The following PHETA2 variants were observed in gnomAD, a reference collection of about 807,000 sequenced individuals.
PHETA2 encodes PH domain containing endocytic trafficking adaptor 2.
For synonymous variants in PHETA2, 133 were observed against 142.9 expected (o/e 0.93, Z 0.50); for missense variants, 321 against 341.3 (o/e 0.94, Z 0.47).
rs1231523150 is a variant in PHETA2 at position 42,077,913 on chromosome 22, G to A, written c.620G>A (p.Ser207Asn). The change falls in exon 3 of 3, where the codon AGC (serine) becomes AAC (asparagine). Residue 207 changes from serine (S) to asparagine (N), a missense_variant. Ser to Asn is a conservative substitution (Grantham distance 46). Coordinates refer to ENST00000321753, the MANE Select transcript of PHETA2 (RefSeq NM_001002034.3). Reference sequence around the variant, plus strand: ...GAGTGGGAGCTGCAGGGCCCTGCCAGCCTCCTCCTAGGCAAGGGGCAGAGC... The same window carrying A: ...GAGTGGGAGCTGCAGGGCCCTGCCAACCTCCTCCTAGGCAAGGGGCAGAGC... ...LAEWELQGPA[S>N]LLLGKGQSPV... is the part of the protein sequence containing the mutation. The A allele has an allele frequency of 6.2e-7, 1 of 1,613,218 alleles. No homozygotes were observed. Among genetic ancestry groups the A allele is most frequent in the Non-Finnish European group, 8.5e-7 (1 of 1,179,714 alleles).
chr22:42,077,707 A>G lies in PHETA2; in HGVS notation c.414A>G (p.Ala138=). The G allele has an allele frequency of 6.2e-7, 1 of 1,614,124 alleles. No homozygotes were observed. The highest frequency in any genetic ancestry group is 8.5e-7 in the Non-Finnish European group (1 of 1,180,042). Residue 138 remains alanine, a synonymous_variant, in exon 3 of 3, where the codon GCA becomes GCG. Coordinates refer to ENST00000321753, the MANE Select transcript of PHETA2 (RefSeq NM_001002034.3). Reference sequence around the variant, plus strand: ...AGTTGGAGAGCCAGTTGCAGGACGCACGCCAGAGCCTGGCTTTGCAACGCC... The same window carrying G: ...AGTTGGAGAGCCAGTTGCAGGACGCGCGCCAGAGCCTGGCTTTGCAACGCC... ...VRELESQLQD[A]RQSLALQRRS...
At position 42,078,198 on chromosome 22, in the gene PHETA2, T is replaced by A; in HGVS notation, c.*125T>A. On this transcript the variant is annotated 3_prime_UTR_variant, in exon 3 of 3. Coordinates refer to ENST00000321753, the MANE Select transcript of PHETA2 (RefSeq NM_001002034.3). ...TCTCCTTCCTGCTATTTAGGCATTC[T>A]CCAGGTTCGAGATCCACCCGTGTGT... is the stretch of plus-strand genomic sequence containing the variant. The A allele has an allele frequency of 8.6e-7, 1 of 1,157,572 alleles. No individual in the cohort carries two copies. Among genetic ancestry groups the A allele is most frequent in the East Asian group, 2.7e-5 (1 of 36,728 alleles). The allele number at this position is 1,157,572 out of a possible 1,614,324, so 71.7% of individuals were successfully genotyped here.
chr22:42,076,025 C>T (rs1927267394), intron 2 of PHETA2: 4 of 174,716 alleles, frequency 2.3e-5, no homozygotes, highest in Middle Eastern at 6.5e-3. Context: ...AAAGAATTAT[C>T]TCTTTTTCTT....
Position 42,077,573 on chromosome 22 carries a change from C to G in PHETA2, c.280C>G (p.Pro94Ala), listed in dbSNP as rs1477300031. Residue 94 changes from proline to alanine, a missense_variant, in exon 3 of 3, where the codon CCT (proline) becomes GCT (alanine). Transcript: ENST00000321753. ...EFAFAICFDA[P>A]GVRPHLLAAE... is the part of the protein sequence containing the mutation. ...TGCCTTTGCCATCTGCTTTGATGCC[C>G]CTGGAGTGCGCCCACACCTGCTGGC... is the stretch of plus-strand genomic sequence containing the variant. 1 of 1,614,050 alleles carries G rather than the reference C, an allele frequency of 6.2e-7. No individual in the cohort carries two copies. The highest frequency in any genetic ancestry group is 2.2e-5 in the East Asian group (1 of 44,894).
At chr22:42,076,651 C>T (rs1422025669) in intron 2 of PHETA2, among the ~76,000 whole-genome samples, 1 of 152,138 alleles carries the variant, frequency 6.6e-6, no homozygotes, top group South Asian at 2.1e-4. Flanking sequence ...GTCATCCTTG[C>T]CCCCTTCTGC....
In PHETA2 at chr22:42,077,414, C is replaced by T. The variant is rs1391668888; in HGVS notation, c.121C>T (p.Arg41Ter). The change falls in exon 3 of 3, where the codon CGA (arginine) becomes TGA (stop). Residue 41 changes from arginine to a stop codon, truncating the protein, a stop_gained. Coordinates refer to ENST00000321753, the MANE Select transcript of PHETA2 (RefSeq NM_001002034.3). LOFTEE classifies it low-confidence loss of function (END_TRUNC). Reference protein sequence around the residue: ...GTPPTPSGTGRRCWFVLKGNL... With the variant: ...GTPPTPSGTG ...CCCACCGACCCCCAGTGGCACTGGC[C>T]GAAGATGCTGGTTTGTCCTCAAGGG... The T allele has an allele frequency of 7.4e-6, 12 of 1,612,358 alleles. No individual in the cohort carries two copies. Among genetic ancestry groups the T allele is most frequent in the Middle Eastern group, 1.6e-4 (1 of 6,070 alleles).
rs1602503667 is a variant in PHETA2, at chr22:42,075,677, T to C, written c.-15+25T>C. 6.6e-6 allele frequency: 1 copy of C among 152,286 alleles called. No homozygotes were observed. Among genetic ancestry groups the C allele is most frequent in the Non-Finnish European group, 1.5e-5 (1 of 68,114 alleles). The allele number at this position is 152,286 out of a possible 1,614,324, so 9.4% of individuals were successfully genotyped here. A position where few individuals can be genotyped will look rare whatever the true frequency, so the allele number is the denominator to read the frequency against. The stretch of plus-strand genomic sequence containing the variant: ...GGTAAGTGGGTACAGTGTGAGGGAT[T>C]TGGGAGACGAAGCTCTGCGTCTCAT... On this transcript the variant is annotated intron_variant, in intron 2 of 2. Transcript: ENST00000321753. This position sits in a 1 kb window ranked among gnomAD's most constrained non-coding sequence, Gnocchi z 4.8.
In PHETA2 at chr22:42,078,623, G is replaced by A. The variant is rs1343738501; in HGVS notation, c.*550G>A. ...GGATGGGATCCTCACTCAGCAGTCT[G>A]GGTAGGGCCCTTTGAGGCAGAGGGT... On this transcript the variant is annotated 3_prime_UTR_variant, in exon 3 of 3. Coordinates refer to ENST00000321753, the MANE Select transcript of PHETA2 (RefSeq NM_001002034.3). 3 of 167,832 alleles carry A rather than the reference G, an allele frequency of 1.8e-5. No individual in the cohort carries two copies. Among genetic ancestry groups the A allele is most frequent in the South Asian group, 2.1e-4 (1 of 4,878 alleles). 10.4% of individuals were successfully genotyped at this position (167,832 alleles called of 1,614,324 possible). A position where few individuals can be genotyped will look rare whatever the true frequency, so the allele number is the denominator to read the frequency against.
rs1927307939 is a variant in PHETA2 at position 42,077,061 on chromosome 22, G to C, written c.-14-219G>C. 5.3e-5 allele frequency among the ~76,000 whole-genome samples: 8 copies of C among 152,250 alleles called. No individual in the cohort carries two copies. In the South Asian group the frequency reaches 1.7e-3, roughly 32 times the overall value. On this transcript the variant is annotated intron_variant, in intron 2 of 2. Transcript: ENST00000321753. ...TATTCTTTTCTCGAAGTCCGCCAGT[G>C]TCCAGTTTTTTTTGCATGATCCTCA...
Position 42,077,861 on chromosome 22 carries a change from A to T in PHETA2, c.568A>T (p.Ser190Cys). 1 of 1,613,602 alleles carries T rather than the reference A, an allele frequency of 6.2e-7. No individual in the cohort carries two copies. The highest frequency in any genetic ancestry group is 1.1e-5 in the South Asian group (1 of 91,036). ...TGTGGGCTTGGTTGAAGAAGCGGGC[A>T]GCAGGTCTGCAGGGTGGGGGTTGGC... is the stretch of plus-strand genomic sequence containing the variant. ...SPVGLVEEAG[S>C]RSAGWGLAEW... Residue 190 changes from serine to cysteine, a missense_variant, in exon 3 of 3, where the codon AGC becomes TGC. Physicochemically the swap from Ser to Cys is moderately radical, Grantham distance 112. Coordinates refer to ENST00000321753, the MANE Select transcript of PHETA2 (RefSeq NM_001002034.3).
chr22:42,076,097 A>G, intron 2 of PHETA2: 1 of 218,428 alleles, frequency 4.6e-6, no homozygotes, highest in Non-Finnish European at 9.7e-6. Context: ...ACAAGGTTCG[A>G]GGGTGGCACA....
chr22:42,078,132 A>C lies in PHETA2; in HGVS notation c.*59A>C. ...GTTCTTTTTCAGGAGTTAAATGTTTACCCATTTCCAAGGTTGCGTTTTGGG... is the reference window on the plus strand; with the variant it reads ...GTTCTTTTTCAGGAGTTAAATGTTTCCCCATTTCCAAGGTTGCGTTTTGGG... On this transcript the variant is annotated 3_prime_UTR_variant, in exon 3 of 3. Transcript: ENST00000321753. The C allele has an allele frequency of 6.9e-7, 1 of 1,457,250 alleles. No individual in the cohort carries two copies. The highest frequency in any genetic ancestry group is 9.1e-7 in the Non-Finnish European group (1 of 1,102,334). 90.3% of individuals were successfully genotyped at this position (1,457,250 alleles called of 1,614,324 possible).
chr22:42,076,259 A>G (rs965338718), intron 2 of PHETA2: 3 of 166,262 alleles, frequency 1.8e-5, no homozygotes, highest in African/African-American at 7.2e-5. Context: ...TTCATACCCT[A>G]TAGTTCAACA....
Position 42,077,522 on chromosome 22 carries a change from GCCGAGGCTCCCGTGC to G in PHETA2, c.236_250del (p.Ala79_Glu83del). On this transcript the variant is annotated inframe_deletion, in exon 3 of 3. Coordinates refer to ENST00000321753, the MANE Select transcript of PHETA2 (RefSeq NM_001002034.3). Reference sequence around the variant, plus strand: ...GCTGGAAGGCTGCACAGTGGAACTGGCCGAGGCTCCCGTGCCCGAGGAGTTTGCCTTTGCCATCTG... The same window carrying G: ...GCTGGAAGGCTGCACAGTGGAACTGGCCGAGGAGTTTGCCTTTGCCATCTG... 1.2e-6 allele frequency: 2 copies of G among 1,614,190 alleles called. No individual in the cohort carries two copies. The highest frequency in any genetic ancestry group is 1.7e-6 in the Non-Finnish European group (2 of 1,180,034).
chr22:42,077,449 A>G lies in PHETA2; in HGVS notation c.156A>G (p.Leu52=). The change falls in exon 3 of 3, where the codon CTA becomes CTG. Residue 52 remains leucine, a synonymous_variant. Transcript: ENST00000321753. The part of the protein sequence containing the change: ...RCWFVLKGNL[L]FSFESREGRA... ...GGTTTGTCCTCAAGGGCAACCTGCTATTCTCCTTTGAGAGTCGCGAGGGCC... is the reference window on the plus strand; with the variant it reads ...GGTTTGTCCTCAAGGGCAACCTGCTGTTCTCCTTTGAGAGTCGCGAGGGCC... 1 of 1,613,892 alleles carries G rather than the reference A, an allele frequency of 6.2e-7. No individual in the cohort carries two copies. Among genetic ancestry groups the G allele is most frequent in the Non-Finnish European group, 8.5e-7 (1 of 1,179,954 alleles).
chr22:42,074,570 G>A (rs1476609077), intron 1 of PHETA2: 1 of 152,310 alleles, frequency 6.6e-6, no homozygotes, highest in Non-Finnish European at 1.5e-5. Flanking sequence ...TCCAACAAAA[G>A]AATCCAGGAA....
At position 42,077,625 on chromosome 22, in the gene PHETA2, C is replaced by A. The variant is rs1960933221; in HGVS notation, c.332C>A (p.Ala111Asp). ...GCAGAAGGGCCGGCGGCCCAGGAGG[C>A]CTGGGTGAAGGTGCTGTCCCGGGCA... ...LAAEGPAAQE[A>D]WVKVLSRASF... The change falls in exon 3 of 3, where the codon GCC becomes GAC. Residue 111 changes from alanine to aspartate, a missense_variant. By Grantham distance (126) the Ala-to-Asp change is moderately radical. Transcript: ENST00000321753. 1 of 1,614,076 alleles carries A rather than the reference C, an allele frequency of 6.2e-7. No individual in the cohort carries two copies. Among genetic ancestry groups the A allele is most frequent in the Non-Finnish European group, 8.5e-7 (1 of 1,179,988 alleles).
intron 2 of PHETA2, chr22:42,076,023 A>C (rs1035432833): frequency 1.2e-5 from 2 of 171,380 alleles, no homozygotes; most frequent in African/African-American, 4.8e-5. Flanking sequence ...CTAAAGAATT[A>C]TCTCTTTTTC....
chr22:42,074,278 G>T lies in PHETA2; in HGVS notation c.-160G>T, dbSNP rs1927191604. 1 of 152,292 alleles carries T rather than the reference G, an allele frequency of 6.6e-6. No homozygotes were observed. 9.4% of individuals were successfully genotyped at this position (152,292 alleles called of 1,614,324 possible). ...CTCCCGCGGCCACGTTGCAGCCCAG[G>T]CGGAGGCGCGGGATCTCGAGCTGGG... On this transcript the variant is annotated 5_prime_UTR_variant, in exon 1 of 3. Coordinates refer to ENST00000321753, the MANE Select transcript of PHETA2 (RefSeq NM_001002034.3).
Sources: gnomAD v4.1 joint callset for allele counts (sites outside exome capture counted in the v4.1 genomes callset) on GRCh38, gnomAD v4.1.1 for gene constraint, Gnocchi (gnomAD v3.1) non-coding constraint, MANE v1.5 for transcripts, NCBI Gene and HGNC (gene_info 2026-07-23, HGNC 2026-07-21) for gene names.